The following SPTLC1 variants were observed in gnomAD, a reference collection of about 807,000 sequenced individuals.
SPTLC1 encodes the protein serine palmitoyltransferase 1.
SPTLC1 carries 55 observed loss-of-function variants against 68.9 expected under a neutral mutation model. The observed-to-expected ratio is 0.80, with a 90% CI of 0.64 to 1.00. The LOEUF is 1.00. Among genes scored for constraint, SPTLC1 ranks in the 50% least tolerant of loss-of-function variants. The pLI, the probability that SPTLC1 is intolerant of heterozygous loss-of-function variation, is 0.00. For missense variants in SPTLC1, 449 were observed against 573.1 expected (o/e 0.78, Z 2.21); for synonymous variants, 197 against 201.6 (o/e 0.98, Z 0.19).
chr9:92,089,069 T>C (rs534476495), intron 3 of SPTLC1, among the ~76,000 whole-genome samples: 10 of 152,320 alleles, frequency 6.6e-5, no homozygotes, highest in Admixed American at 5.9e-4. Context: ...CACTAGAAAG[T>C]GCTCCCAAGA....
chr9:92,051,780 T>C (rs117091418), intron 8 of SPTLC1, among the ~76,000 whole-genome samples: 23 of 152,324 alleles, frequency 1.5e-4, no homozygotes, highest in Non-Finnish European at 2.4e-4. Flanking sequence ...GCAAAAGCAA[T>C]ACACAAATAT....
chr9:92,068,672 T>C (rs1045744545), intron 5 of SPTLC1, among the ~76,000 whole-genome samples: 2 of 152,202 alleles, frequency 1.3e-5, no homozygotes, highest in Admixed American at 6.5e-5. Context: ...AAAGGAAATA[T>C]AGTCCTTTTA....
intron 9 of SPTLC1, 51 bp downstream of exon 9, chr9:92,049,909 A>T: frequency 8.5e-7 from 1 of 1,170,818 alleles, no homozygotes; most frequent in Non-Finnish European, 1.3e-6. Flanking sequence ...GCAGAATGGA[A>T]CTACATGTCT....
intron 3 of SPTLC1, among the ~76,000 whole-genome samples, chr9:92,093,285 A>C (rs1215220256): frequency 6.6e-6 from 1 of 152,234 alleles, no homozygotes; most frequent in Non-Finnish European, 1.5e-5. Context: ...GATCGGAGGA[A>C]ATGGTCTCGA....
chr9:92,040,922 T>C (rs942922524), intron 12 of SPTLC1, among the ~76,000 whole-genome samples: 4 of 152,186 alleles, frequency 2.6e-5, no homozygotes, highest in Non-Finnish European at 5.9e-5. Context: ...ATGAGTTTAA[T>C]TAAAACCAAA....
intron 10 of SPTLC1, 145 bp from the exon 11 acceptor site, chr9:92,047,413 C>G: frequency 1.3e-6 from 1 of 772,528 alleles, no homozygotes; most frequent in East Asian, 2.7e-5. Context: ...AAACATTATA[C>G]GTGTAACAGC....
At chr9:92,108,909 TTTC>T (rs1316691799) in intron 2 of SPTLC1, 75 bp from the exon 3 acceptor site, 68 of 1,586,288 alleles carry the variant, frequency 4.3e-5, no homozygotes, top group Middle Eastern at 2.1e-4. Context: ...AACTTCAGTA[TTTC>T]TTATTATTCT....
intron 5 of SPTLC1, among the ~76,000 whole-genome samples, chr9:92,069,277 T>G (rs925373228): frequency 1.3e-5 from 2 of 152,238 alleles, no homozygotes. Context: ...TAAAATGAAC[T>G]ATTAATTCCA....
At chr9:92,055,580 C>T in intron 7 of SPTLC1, 86 bp from the exon 8 acceptor site, 1 of 1,313,772 alleles carries the variant, frequency 7.6e-7, no homozygotes, top group Non-Finnish European at 1.1e-6. Context: ...TTTCACCTTA[C>T]AAGATTTATT....
chr9:92,105,383 A>C (rs1484511839), intron 3 of SPTLC1: 1 of 1,502,872 alleles, frequency 6.7e-7, no homozygotes, highest in African/African-American at 1.4e-5. Context: ...AAAATTCAGG[A>C]GACTAAGAGA....
At chr9:92,110,936 T>C (rs1564122087) in intron 2 of SPTLC1, 1 of 152,224 alleles carries the variant, frequency 6.6e-6, no homozygotes, top group African/African-American at 2.4e-5. Flanking sequence ...AGTCTGAATA[T>C]AGCTACTCAT....
At chr9:92,043,799 T>C (rs1299166962) in intron 12 of SPTLC1, among the ~76,000 whole-genome samples, 1 of 152,156 alleles carries the variant, frequency 6.6e-6, no homozygotes, top group African/African-American at 2.4e-5. Flanking sequence ...GCAAAAGTAA[T>C]TTTGCTAGGG....
At chr9:92,067,746 A>G (rs1834344353) in intron 6 of SPTLC1, among the ~76,000 whole-genome samples, 1 of 152,242 alleles carries the variant, frequency 6.6e-6, no homozygotes, top group Non-Finnish European at 1.5e-5. Context: ...TCTGGACATC[A>G]ATAAATAATT....
At chr9:92,085,799 T>C (rs571580913) in intron 3 of SPTLC1, among the ~76,000 whole-genome samples, 17 of 152,260 alleles carry the variant, frequency 1.1e-4, no homozygotes, top group African/African-American at 4.1e-4. Context: ...GGTATCCTTG[T>C]TGACTTTCTG....
rs547224007 is a variant in SPTLC1, at chr9:92,080,973, A to T, written c.261-10T>A. Reference sequence around the variant, plus strand: ...TTTGTGGCTTGGAGGGCTAGGGAAGAGATAGAGTGGTACATGTCAATTACA... The same window carrying T: ...TTTGTGGCTTGGAGGGCTAGGGAAGTGATAGAGTGGTACATGTCAATTACA... On this transcript the variant is annotated splice_polypyrimidine_tract_variant and intron_variant, in intron 3 of 14. Coordinates refer to ENST00000262554, the MANE Select transcript of SPTLC1 (RefSeq NM_006415.4). 1 of 1,602,164 alleles carries T rather than the reference A, an allele frequency of 6.2e-7. No individual in the cohort carries two copies. The highest frequency in any genetic ancestry group is 1.7e-5 in the Admixed American group (1 of 59,990).
At chr9:92,114,209 G>T (rs1443076526) in intron 1 of SPTLC1, among the ~76,000 whole-genome samples, 3 of 152,088 alleles carry the variant, frequency 2.0e-5, no homozygotes, top group Non-Finnish European at 2.9e-5. Flanking sequence ...GGTCAACGCA[G>T]CAGTGAGCTG....
intron 11 of SPTLC1, chr9:92,046,388 G>A: frequency 5.2e-5 from 12 of 229,906 alleles, no homozygotes; most frequent in East Asian, 2.8e-4. Context: ...TAAACAATTT[G>A]GTAAAAAATC....
chr9:92,080,144 A>G, intron 4 of SPTLC1, 56 bp from the exon 5 acceptor site: 2 of 1,433,294 alleles, frequency 1.4e-6, no homozygotes, highest in Non-Finnish European at 2.0e-6. Flanking sequence ...AGTTCAAAAC[A>G]AACATTTCCT....
chr9:92,047,466 A>G, intron 10 of SPTLC1, 147 bp downstream of exon 10: 1 of 740,766 alleles, frequency 1.3e-6, no homozygotes, highest in Non-Finnish European at 2.3e-6. Flanking sequence ...CTAAATAGAA[A>G]TATTTTGAGT....
Sources: gnomAD v4.1 joint callset for allele counts (sites outside exome capture counted in the v4.1 genomes callset) on GRCh38, gnomAD v4.1.1 for gene constraint, MANE v1.5 for transcripts, NCBI Gene and HGNC (gene_info 2026-07-23, HGNC 2026-07-21) for gene names.